Variants in FOXD4L6 observed in about 807,000 individuals in gnomAD.
FOXD4L6 encodes the protein forkhead box protein D4-like 6.
FOXD4L6 carries 1 observed loss-of-function variant against 12.9 expected under a neutral mutation model. The observed-to-expected ratio is 0.08, with a 90% CI of 0.03 to 0.37. The LOEUF is 0.37. FOXD4L6 is among the 10% of genes least tolerant of loss of function. FOXD4L6 has a pLI of 0.99. For missense variants in FOXD4L6, 23 were observed against 369.9 expected (o/e 0.06, Z 7.69); for synonymous variants, 10 against 164.7 (o/e 0.06, Z 7.19).
At position 41,127,724 on chromosome 9, in the gene FOXD4L6, A is replaced by G; in HGVS notation, c.660T>C (p.Pro220=). 6.5e-7 allele frequency: 1 copy of G among 1,545,806 alleles called. No homozygotes were observed. ...TPGAHLPHPF[P]LPAAHAALHN... is the part of the protein sequence containing the mutation. ...GCAGGGCGGCGTGTGCAGCAGGTAG[A>G]GGGAAGGGGTGGGGCAGGTGGGCTC... Residue 220 remains proline (P), a synonymous_variant, in exon 1 of 1, where the codon CCT becomes CCC. Coordinates refer to ENST00000622588, the MANE Select transcript of FOXD4L6 (RefSeq NM_001085476.4).
rs934750744 is a variant in FOXD4L6 at position 41,126,875 on chromosome 9, T to C, written c.*255A>G. 1.4e-6 allele frequency: 1 copy of C among 721,714 alleles called. No individual in the cohort carries two copies. The highest frequency in any genetic ancestry group is 2.4e-6 in the Non-Finnish European group (1 of 422,078). 44.7% of individuals were successfully genotyped at this position (721,714 alleles called of 1,614,324 possible). On this transcript the variant is annotated 3_prime_UTR_variant, in exon 1 of 1. Coordinates refer to ENST00000622588, the MANE Select transcript of FOXD4L6 (RefSeq NM_001085476.4). ...GGAACGTAATCCAGCTGTTTCTTTC[T>C]AACCATTTTGCAGCGAACAGAAGTT...
rs1006735147 is a variant in FOXD4L6, at chr9:41,127,076, C to G, written c.*54G>C. The G allele has an allele frequency of 5.7e-6, 8 of 1,401,534 alleles. No homozygotes were observed. The highest frequency in any genetic ancestry group is 1.4e-5 in the South Asian group (1 of 72,006). The allele number at this position is 1,401,534 out of a possible 1,614,324, so 86.8% of individuals were successfully genotyped here. On this transcript the variant is annotated 3_prime_UTR_variant, in exon 1 of 1. Coordinates refer to ENST00000622588, the MANE Select transcript of FOXD4L6 (RefSeq NM_001085476.4). ...AAAACTGGTGAGGTCCCCTCTCCGCCCAAAGGGGCAGCCAGCGATGTCAGC... is the reference window on the plus strand; with the variant it reads ...AAAACTGGTGAGGTCCCCTCTCCGCGCAAAGGGGCAGCCAGCGATGTCAGC...
chr9:41,127,065 C>T lies in FOXD4L6; in HGVS notation c.*65G>A, dbSNP rs1321841177. ...GCGATACTAAAAAAACTGGTGAGGTCCCCTCTCCGCCCAAAGGGGCAGCCA... is the reference window on the plus strand; with the variant it reads ...GCGATACTAAAAAAACTGGTGAGGTTCCCTCTCCGCCCAAAGGGGCAGCCA... On this transcript the variant is annotated 3_prime_UTR_variant, in exon 1 of 1. Coordinates refer to ENST00000622588, the MANE Select transcript of FOXD4L6 (RefSeq NM_001085476.4). The T allele has an allele frequency of 8.2e-6, 11 of 1,347,218 alleles. No individual in the cohort carries two copies. Among genetic ancestry groups the T allele is most frequent in the East Asian group, 2.5e-5 (1 of 40,380 alleles). The allele number at this position is 1,347,218 out of a possible 1,614,324, so 83.5% of individuals were successfully genotyped here. A position where few individuals can be genotyped will look rare whatever the true frequency, so the allele number is the denominator to read the frequency against.
chr9:41,127,182 G>A lies in FOXD4L6; in HGVS notation c.1202C>T (p.Pro401Leu). ...GCCCGCCCAGCACCGCGCCCTTGGT[G>A]GGAGCGCAGCCGTTGGCGCAGTCCT... is the stretch of plus-strand genomic sequence containing the variant. ...RRRTAPTAAL[P>L]PRARCWAGTC... Residue 401 changes from proline to leucine, a missense_variant, in exon 1 of 1, where the codon CCA becomes CTA. By Grantham distance (98) the Pro-to-Leu change is moderately conservative. Transcript: ENST00000622588. 6.2e-7 allele frequency: 1 copy of A among 1,602,778 alleles called. No individual in the cohort carries two copies. The highest frequency in any genetic ancestry group is 8.5e-7 in the Non-Finnish European group (1 of 1,174,124).
Sources: gnomAD v4.1 joint callset for allele counts on GRCh38, gnomAD v4.1.1 for gene constraint, MANE v1.5 for transcripts, NCBI Gene and HGNC (gene_info 2026-07-23, HGNC 2026-07-21) for gene names.